The following PTPRN2 variants were observed in gnomAD, a reference collection of about 807,000 sequenced individuals.
PTPRN2 encodes receptor-type tyrosine-protein phosphatase N2.
In PTPRN2, 74 loss-of-function variants were observed where a neutral mutation model predicts 118.8. The ratio of observed to expected loss-of-function variants is 0.62; its 90% CI spans 0.52 to 0.76. The LOEUF is 0.76. Ranked by LOEUF, PTPRN2 falls within the 30% of genes least tolerant of loss-of-function variation. The probability of loss-of-function intolerance (pLI) is 0.00; values close to 1 mark genes in which losing one functional copy is unlikely to be tolerated. For synonymous variants in PTPRN2, 641 were observed against 608.0 expected, an observed-to-expected ratio of 1.05 and a Z score of -0.80; for missense variants, 1,481 against 1,394.4, an observed-to-expected ratio of 1.06 and a Z score of -0.99.
At chr7:157,776,893 C>T (rs1370874553) in intron 12 of PTPRN2, among the ~76,000 whole-genome samples, 3 of 70,438 alleles carry the variant, frequency 4.3e-5, no homozygotes, top group African/African-American at 1.5e-4. Flanking sequence ...TCCTCCATCT[C>T]CTCCTCCTTC....
At chr7:158,462,601 A>G (rs1267423660) in intron 2 of PTPRN2, among the ~76,000 whole-genome samples, 3 of 152,116 alleles carry the variant, frequency 2.0e-5, no homozygotes, top group Non-Finnish European at 2.9e-5. Flanking sequence ...ACTGCCTTAA[A>G]ACTAAGACAA....
At chr7:157,938,557 C>T (rs989143274) in intron 11 of PTPRN2, among the ~76,000 whole-genome samples, 6 of 152,342 alleles carry the variant, frequency 3.9e-5, no homozygotes, top group Non-Finnish European at 8.8e-5. Context: ...CTCAGGGTCA[C>T]ACAACAACAC....
At chr7:158,490,627 A>G (rs1821380135) in intron 1 of PTPRN2, among the ~76,000 whole-genome samples, 1 of 152,230 alleles carries the variant, frequency 6.6e-6, no homozygotes, top group South Asian at 2.1e-4. Flanking sequence ...CAGAACCGGG[A>G]GGGCCCCAGG....
intron 5 of PTPRN2, among the ~76,000 whole-genome samples, chr7:158,175,855 C>T (rs1276431697): frequency 2.6e-5 from 4 of 152,158 alleles, no homozygotes; most frequent in South Asian, 2.1e-4. Context: ...AATGATGATG[C>T]ATTCTGAGAG....
intron 12 of PTPRN2, among the ~76,000 whole-genome samples, chr7:157,898,136 C>T (rs926083659): frequency 6.6e-6 from 1 of 151,642 alleles, no homozygotes; most frequent in South Asian, 2.1e-4. Context: ...AGATTTTCAG[C>T]GATATTATGG....
chr7:158,226,458 G>A (rs1828786367), intron 3 of PTPRN2, among the ~76,000 whole-genome samples: 1 of 152,188 alleles, frequency 6.6e-6, no homozygotes, highest in East Asian at 1.9e-4. Flanking sequence ...TCTGCAGGCT[G>A]AACTGTGTGG....
At chr7:158,222,797 C>T (rs1401617720) in intron 3 of PTPRN2, among the ~76,000 whole-genome samples, 1 of 151,714 alleles carries the variant, frequency 6.6e-6, no homozygotes, top group South Asian at 2.1e-4. Flanking sequence ...ACACAATAAA[C>T]CCAAATAAAG....
intron 14 of PTPRN2, among the ~76,000 whole-genome samples, chr7:157,636,609 G>A (rs1254555968): frequency 1.3e-5 from 2 of 152,056 alleles, no homozygotes; most frequent in Non-Finnish European, 2.9e-5. Flanking sequence ...TTTACCCATG[G>A]TATTTCAAAT....
At chr7:158,376,043 G>A (rs1810471520) in intron 2 of PTPRN2, among the ~76,000 whole-genome samples, 1 of 152,142 alleles carries the variant, frequency 6.6e-6, no homozygotes, top group South Asian at 2.1e-4. Flanking sequence ...GCCATCTGTG[G>A]GTGGCAACTG....
intron 12 of PTPRN2, among the ~76,000 whole-genome samples, chr7:157,744,587 C>T (rs544230097): frequency 6.6e-6 from 1 of 152,262 alleles, no homozygotes; most frequent in East Asian, 1.9e-4. Flanking sequence ...TCTAGAACCT[C>T]AATTTAAGAT....
intron 11 of PTPRN2, among the ~76,000 whole-genome samples, chr7:157,950,963 T>A (rs564479903): frequency 2.0e-5 from 3 of 152,216 alleles, no homozygotes; most frequent in Admixed American, 6.5e-5. Flanking sequence ...AAGGTTTCCA[T>A]TGAGTTTGCT....
At chr7:157,902,004 C>T (rs931397881) in intron 11 of PTPRN2, among the ~76,000 whole-genome samples, 5 of 152,190 alleles carry the variant, frequency 3.3e-5, no homozygotes, top group African/African-American at 1.2e-4. Context: ...CCTTCCTGTC[C>T]GTGTTTCCTT....
chr7:158,164,125 G>A lies in PTPRN2; in HGVS notation c.910+2806C>T, dbSNP rs370310472. Among the ~76,000 whole-genome samples, 32 of 151,882 alleles carry A rather than the reference G, an allele frequency of 2.1e-4. No individual in the cohort carries two copies. In the Middle Eastern group the frequency reaches 0.014, roughly 65 times the overall value. On this transcript the variant is annotated intron_variant, in intron 6 of 22. Coordinates refer to ENST00000389418, the MANE Select transcript of PTPRN2 (RefSeq NM_002847.5). ...AGAGCACGGTCAGGACGCTTGTTCCGAAGATCCACACCCTGGGGTGTGGGA... is the reference window on the plus strand; with the variant it reads ...AGAGCACGGTCAGGACGCTTGTTCCAAAGATCCACACCCTGGGGTGTGGGA...
intron 11 of PTPRN2, among the ~76,000 whole-genome samples, chr7:158,016,204 G>A (rs1280915734): frequency 6.6e-6 from 1 of 152,248 alleles, no homozygotes; most frequent in Non-Finnish European, 1.5e-5. Context: ...AGGGAGGTGG[G>A]GAGGATGGGC....
At chr7:157,745,887 G>T (rs996417193) in intron 12 of PTPRN2, among the ~76,000 whole-genome samples, 5 of 152,120 alleles carry the variant, frequency 3.3e-5, no homozygotes, top group Admixed American at 1.3e-4. Flanking sequence ...CAGCACGCAC[G>T]CCACAAACAT....
chr7:157,795,476 GCTGT>G (rs1208855524), intron 12 of PTPRN2, among the ~76,000 whole-genome samples: 5 of 152,252 alleles, frequency 3.3e-5, no homozygotes, highest in Admixed American at 6.5e-5. Flanking sequence ...TTCCCAAGGT[GCTGT>G]CTATCTGTGG....
intron 11 of PTPRN2, among the ~76,000 whole-genome samples, chr7:158,071,063 G>A (rs191396848): frequency 2.0e-5 from 2 of 98,196 alleles, no homozygotes; most frequent in Non-Finnish European, 4.2e-5. Context: ...GGTGGTGGAG[G>A]TGCTCGTGGT....
At chr7:157,936,249 G>C (rs762037457) in intron 11 of PTPRN2, among the ~76,000 whole-genome samples, 4 of 152,210 alleles carry the variant, frequency 2.6e-5, no homozygotes, top group Non-Finnish European at 5.9e-5. Flanking sequence ...GCCTCAACTA[G>C]TTAGAGAAGA....
intron 11 of PTPRN2, among the ~76,000 whole-genome samples, chr7:158,070,496 G>A (rs1279954101): frequency 1.6e-4 from 22 of 140,858 alleles, no homozygotes; most frequent in African/African-American, 6.2e-4. Flanking sequence ...GGTGGTGGAG[G>A]TGCCCGTGGT....
Sources: gnomAD v4.1 joint callset for allele counts (sites outside exome capture counted in the v4.1 genomes callset) on GRCh38, gnomAD v4.1.1 for gene constraint, MANE v1.5 for transcripts, NCBI Gene and HGNC (gene_info 2026-07-23, HGNC 2026-07-21) for gene names.